MSI2: variants seen among roughly 807,000 people sequenced by gnomAD.
MSI2 encodes RNA-binding protein Musashi homolog 2.
A neutral mutation model predicts 45.6 loss-of-function variants in MSI2; 17 were observed. The ratio of observed to expected loss-of-function variants is 0.37; its 90% CI spans 0.26 to 0.56. MSI2 has a LOEUF of 0.56. MSI2 is among the 20% of genes least tolerant of loss of function. The probability of loss-of-function intolerance (pLI) is 0.77; values close to 1 mark genes in which losing one functional copy is unlikely to be tolerated. For synonymous variants in MSI2, 156 were observed against 158.2 expected, an observed-to-expected ratio of 0.99 and a Z score of 0.11; for missense variants, 293 against 444.2, an observed-to-expected ratio of 0.66 and a Z score of 3.06.
chr17:57,679,542 C>A lies in MSI2; in HGVS notation c.*32-7C>A. ...TTCTGGACATCCTGGCCTTCCCTGC[C>A]CTGCAGAGCATACCTGGATGTCCAG... On this transcript the variant is annotated splice_polypyrimidine_tract_variant and splice_region_variant and intron_variant, in intron 13 of 13. Coordinates refer to ENST00000284073, the MANE Select transcript of MSI2 (RefSeq NM_138962.4). 1 of 1,055,580 alleles carries A rather than the reference C, an allele frequency of 9.5e-7. No homozygotes were observed. The highest frequency in any genetic ancestry group is 1.1e-6 in the Non-Finnish European group (1 of 872,874). 65.4% of individuals were successfully genotyped at this position (1,055,580 alleles called of 1,614,324 possible). A position where few individuals can be genotyped will look rare whatever the true frequency, so the allele number is the denominator to read the frequency against.
intron 12 of MSI2, among the ~76,000 whole-genome samples, chr17:57,675,399 A>G (rs945818088): frequency 1.3e-5 from 2 of 152,238 alleles, no homozygotes; most frequent in Admixed American, 1.3e-4. Flanking sequence ...TCCTTGAGCC[A>G]CTTCGATAAC....
intron 11 of MSI2, among the ~76,000 whole-genome samples, chr17:57,673,518 A>T (rs755105180): frequency 1.6e-4 from 25 of 152,230 alleles, no homozygotes; most frequent in Admixed American, 2.6e-4. Flanking sequence ...CCGTAGCCCA[A>T]AGGTAGCCAG....
At chr17:57,441,222 A>AG (rs2143466214) in intron 6 of MSI2, among the ~76,000 whole-genome samples, 1 of 152,280 alleles carries the variant, frequency 6.6e-6, no homozygotes, top group Non-Finnish European at 1.5e-5. Context: ...GACCAAGGAG[A>AG]GGGAGAGGTT....
intron 5 of MSI2, among the ~76,000 whole-genome samples, chr17:57,353,969 A>G (rs972923076): frequency 4.6e-5 from 7 of 152,204 alleles, no homozygotes; most frequent in Non-Finnish European, 1.0e-4. Flanking sequence ...TAACATAACA[A>G]GAGAGAAAAC....
At chr17:57,403,252 C>T (rs188105510) in intron 6 of MSI2, among the ~76,000 whole-genome samples, 60 of 152,312 alleles carry the variant, frequency 3.9e-4, no homozygotes, top group Middle Eastern at 3.4e-3. Context: ...CTGCACGTCC[C>T]CAACCCTTGG....
chr17:57,262,148 C>T lies in MSI2; in HGVS notation c.271-3C>T. ...ACTCCTGCTTTTCTATTTTTTTTCCCAGATTGACCCCAAAGTTGCATTTCC... is the reference window on the plus strand; with the variant it reads ...ACTCCTGCTTTTCTATTTTTTTTCCTAGATTGACCCCAAAGTTGCATTTCC... On this transcript the variant is annotated splice_polypyrimidine_tract_variant and splice_region_variant and intron_variant, in intron 4 of 13. Transcript: ENST00000284073. 1 of 1,612,634 alleles carries T rather than the reference C, an allele frequency of 6.2e-7. No individual in the cohort carries two copies. Among genetic ancestry groups the T allele is most frequent in the Non-Finnish European group, 8.5e-7 (1 of 1,179,478 alleles).
chr17:57,563,853 C>G (rs140925926), intron 7 of MSI2, among the ~76,000 whole-genome samples: 4 of 152,002 alleles, frequency 2.6e-5, no homozygotes, highest in African/African-American at 9.7e-5. Context: ...TCCCTCACCT[C>G]CTAGTCCCCA....
At chr17:57,344,456 C>G (rs964739911) in intron 5 of MSI2, among the ~76,000 whole-genome samples, 3 of 152,180 alleles carry the variant, frequency 2.0e-5, no homozygotes, top group Non-Finnish European at 4.4e-5. Flanking sequence ...ACAAGGTGTT[C>G]CAAGCTCATC....
At chr17:57,512,763 G>C (rs2086381985) in intron 6 of MSI2, among the ~76,000 whole-genome samples, 1 of 151,990 alleles carries the variant, frequency 6.6e-6, no homozygotes, top group Non-Finnish European at 1.5e-5. Context: ...GTCTCATCCT[G>C]GGTACTCCTT....
intron 9 of MSI2, among the ~76,000 whole-genome samples, chr17:57,625,189 G>A (rs913578157): frequency 3.9e-5 from 6 of 152,154 alleles, no homozygotes; most frequent in Non-Finnish European, 5.9e-5. Context: ...GAAATTTGGG[G>A]GAAACACATA....
intron 6 of MSI2, among the ~76,000 whole-genome samples, chr17:57,500,892 G>T (rs541091332): frequency 4.6e-5 from 7 of 151,780 alleles, no homozygotes; most frequent in Non-Finnish European, 4.4e-5. Flanking sequence ...GAGTCCAGGA[G>T]GTCAAGGCTG....
chr17:57,523,962 GC>G (rs2086646891), intron 6 of MSI2, among the ~76,000 whole-genome samples: 1 of 152,166 alleles, frequency 6.6e-6, no homozygotes, highest in African/African-American at 2.4e-5. Flanking sequence ...TCAGGGGCAG[GC>G]AGTAACTGTT....
chr17:57,585,658 A>G (rs888116), intron 7 of MSI2, among the ~76,000 whole-genome samples: 38,063 of 152,104 alleles, frequency 0.25, 5,195 homozygotes, highest in African/African-American at 0.35. Flanking sequence ...GAAGGTGACA[A>G]ATTTGAAACC....
intron 5 of MSI2, among the ~76,000 whole-genome samples, chr17:57,283,907 C>A (rs1909640215): frequency 6.6e-6 from 1 of 152,180 alleles, no homozygotes; most frequent in Admixed American, 6.5e-5. Flanking sequence ...TTGTGCCCAG[C>A]AGGTCCATGT....
At chr17:57,575,147 T>TCCCCCCCCCC (rs371180511) in intron 7 of MSI2, among the ~76,000 whole-genome samples, 86 of 119,566 alleles carry the variant, frequency 7.2e-4, no homozygotes, top group African/African-American at 9.8e-4. Context: ...CTTTTTTAAC[T>TCCCCCCCCCC]CCCTCCCCCC....
downstream of MSI2, among the ~76,000 whole-genome samples, chr17:57,685,083 C>T (rs185246732): frequency 1.1e-3 from 170 of 152,230 alleles, no homozygotes; most frequent in Non-Finnish European, 1.9e-3. Context: ...GGCGCCAAAC[C>T]GCATTCCACG....
intron 6 of MSI2, among the ~76,000 whole-genome samples, chr17:57,431,911 A>G (rs11650184): frequency 0.47 from 70,994 of 151,686 alleles, 17,348 homozygotes; most frequent in East Asian, 0.63. Context: ...CACAGACTCC[A>G]CCGGGCATTT....
At chr17:57,484,117 C>G (rs530846211) in intron 6 of MSI2, among the ~76,000 whole-genome samples, 1 of 152,340 alleles carries the variant, frequency 6.6e-6, no homozygotes, top group South Asian at 2.1e-4. Flanking sequence ...CCTTGTTTAA[C>G]CCCACCTCAG....
At chr17:57,545,743 C>A (rs1393344653) in intron 7 of MSI2, among the ~76,000 whole-genome samples, 2 of 152,152 alleles carry the variant, frequency 1.3e-5, no homozygotes, top group Admixed American at 1.3e-4. Flanking sequence ...CTGACTGGTG[C>A]TTTTATTATT....
Sources: allele counts gnomAD v4.1 joint callset (sites outside exome capture counted in the v4.1 genomes callset), GRCh38; gene constraint gnomAD v4.1.1; transcripts MANE v1.5; gene names NCBI Gene and HGNC (gene_info 2026-07-23, HGNC 2026-07-21).